The following DHX9 variants were observed in gnomAD, a reference collection of about 807,000 sequenced individuals.
DHX9 encodes the protein DExH-box helicase 9.
In DHX9, 27 loss-of-function variants were observed where a neutral mutation model predicts 148.7. The ratio of observed to expected loss-of-function variants is 0.18; its 90% CI spans 0.13 to 0.25. DHX9 has a LOEUF of 0.25. DHX9 is among the 10% of genes least tolerant of loss of function. The probability of loss-of-function intolerance (pLI) is 1.00; values close to 1 mark genes in which losing one functional copy is unlikely to be tolerated. For missense variants in DHX9, 796 were observed against 1,559.6 expected, an observed-to-expected ratio of 0.51 and a Z score of 8.25; for synonymous variants, 529 against 516.6, an observed-to-expected ratio of 1.02 and a Z score of -0.33.
At chr1:182,880,856 G>C (rs566740426) in intron 22 of DHX9, among the ~76,000 whole-genome samples, 317 of 152,294 alleles carry the variant, frequency 2.1e-3, no homozygotes, top group African/African-American at 7.5e-3. Flanking sequence ...AAGCAGGCCA[G>C]GCAATGTGGC....
At position 182,887,507 on chromosome 1, in the gene DHX9, C is replaced by A; in HGVS notation, c.*73C>A. The A allele has an allele frequency of 7.3e-7, 1 of 1,365,296 alleles. No homozygotes were observed. The allele number at this position is 1,365,296 out of a possible 1,614,324, so 84.6% of individuals were successfully genotyped here. A position where few individuals can be genotyped will look rare whatever the true frequency, so the allele number is the denominator to read the frequency against. ...CATGCTATGTGTTACGTGTTTTTTC[C>A]AGTATGTTTATTTGCCACCAAAAAG... On this transcript the variant is annotated 3_prime_UTR_variant, in exon 28 of 28. Transcript: ENST00000367549.
At chr1:182,863,423 C>T (rs923560349) in intron 12 of DHX9, among the ~76,000 whole-genome samples, 41 of 152,098 alleles carry the variant, frequency 2.7e-4, no homozygotes, top group African/African-American at 9.9e-4. Context: ...TTATATTACA[C>T]AAATACGATT....
Position 182,872,321 on chromosome 1 carries a change from G to GT in DHX9, c.1558-13dup, listed in dbSNP as rs747933641. The GT allele has an allele frequency of 3.1e-6, 5 of 1,592,204 alleles. No homozygotes were observed. The South Asian group carries it at 5.7e-5, about 18-fold the overall frequency. Reference sequence around the variant, plus strand: ...CTTAATGTAATTTCAAAAATTTTGTGTTTGTTTTTTAATAGACTGACTTCC... The same window carrying GT: ...CTTAATGTAATTTCAAAAATTTTGTGTTTTGTTTTTTAATAGACTGACTTCC... On this transcript the variant is annotated splice_polypyrimidine_tract_variant and intron_variant, in intron 14 of 27. Transcript: ENST00000367549.
At chr1:182,863,515 C>T (rs372982721) in intron 12 of DHX9, among the ~76,000 whole-genome samples, 51 of 152,074 alleles carry the variant, frequency 3.4e-4, no homozygotes, top group Admixed American at 9.8e-4. Flanking sequence ...TAGAAGTGGC[C>T]GTGCAGGTAT....
At position 182,872,607 on chromosome 1, in the gene DHX9, T is replaced by C. The variant is rs982769565; in HGVS notation, c.1714+114T>C. 25 of 1,149,232 alleles carry C rather than the reference T, an allele frequency of 2.2e-5. No individual in the cohort carries two copies. The African/African-American group carries it at 3.4e-4, about 16-fold the overall frequency. 71.2% of individuals were successfully genotyped at this position (1,149,232 alleles called of 1,614,324 possible). A position where few individuals can be genotyped will look rare whatever the true frequency, so the allele number is the denominator to read the frequency against. ...AATACTTAAAATACAGGACAAATTA[T>C]AGTATCAAATGTATCATAGCATTTT... is the stretch of plus-strand genomic sequence containing the variant. On this transcript the variant is annotated intron_variant, in intron 15 of 27. Transcript: ENST00000367549.
intron 15 of DHX9, among the ~76,000 whole-genome samples, chr1:182,873,154 C>A (rs531753737): frequency 6.6e-6 from 1 of 152,194 alleles, no homozygotes; most frequent in African/African-American, 2.4e-5. Flanking sequence ...CAAGGTCTCA[C>A]CCTGTTGCCC....
chr1:182,846,643 GTTT>G (rs1215792005), intron 3 of DHX9, among the ~76,000 whole-genome samples: 2 of 152,170 alleles, frequency 1.3e-5, no homozygotes, highest in African/African-American at 4.8e-5. Flanking sequence ...GGTAGTCTGT[GTTT>G]TTAAGATCTT....
chr1:182,843,534 A>C (rs1035739117), intron 3 of DHX9, 100 bp downstream of exon 3: 37 of 1,196,196 alleles, frequency 3.1e-5, no homozygotes, highest in Non-Finnish European at 3.8e-5. Flanking sequence ...CTGTTTTCAG[A>C]TATATCGTGT....
chr1:182,849,058 G>C (rs1668083961), intron 3 of DHX9, among the ~76,000 whole-genome samples: 1 of 152,146 alleles, frequency 6.6e-6, no homozygotes, highest in African/African-American at 2.4e-5. Flanking sequence ...TTTGGGCAGC[G>C]ATACGTAACC....
At chr1:182,856,690 A>T in intron 7 of DHX9, 112 bp downstream of exon 7, 1 of 860,986 alleles carries the variant, frequency 1.2e-6, no homozygotes, top group Non-Finnish European at 1.9e-6. Flanking sequence ...AGAGCACATA[A>T]TGTAAGATAG....
intron 11 of DHX9, 125 bp from the exon 12 acceptor site, chr1:182,859,863 CAAAGT>C (rs1668325642): frequency 3.9e-6 from 3 of 779,210 alleles, no homozygotes; most frequent in Admixed American, 5.8e-5. Flanking sequence ...CTCAGCCTCC[CAAAGT>C]GCTGGGATTA....
intron 26 of DHX9, among the ~76,000 whole-genome samples, chr1:182,883,879 C>T: frequency 6.6e-6 from 1 of 152,236 alleles, no homozygotes; most frequent in African/African-American, 2.4e-5. Flanking sequence ...TTCACATACT[C>T]TGTATATTGA....
rs1023131474 is a variant in DHX9 at position 182,883,083 on chromosome 1, A to C, written c.2915-56A>C. 6.2e-6 allele frequency: 7 copies of C among 1,134,236 alleles called. No homozygotes were observed. The Admixed American group carries it at 1.2e-4, about 19-fold the overall frequency. 70.3% of individuals were successfully genotyped at this position (1,134,236 alleles called of 1,614,324 possible). On this transcript the variant is annotated intron_variant, in intron 24 of 27. Transcript: ENST00000367549. ...GAATTATCTTAAATAGTTTGCATGT[A>C]ATGTGAAGATCAGCCAGTTATCTGA...
intron 16 of DHX9, among the ~76,000 whole-genome samples, chr1:182,875,383 A>G (rs1417977597): frequency 4.6e-5 from 7 of 152,216 alleles, no homozygotes; most frequent in Admixed American, 2.6e-4. Context: ...CTGTATATAC[A>G]ATAAAGTTTA....
Position 182,866,425 on chromosome 1 carries a change from T to C in DHX9, c.1333-19T>C. Reference sequence around the variant, plus strand: ...TAACTTTGTAGTTGTTAAGTCACTTTTCTTTTTTTCTGTCTCAGCCCAGAA... The same window carrying C: ...TAACTTTGTAGTTGTTAAGTCACTTCTCTTTTTTTCTGTCTCAGCCCAGAA... On this transcript the variant is annotated intron_variant, in intron 12 of 27. Transcript: ENST00000367549. 1 of 1,610,384 alleles carries C rather than the reference T, an allele frequency of 6.2e-7. No individual in the cohort carries two copies. The highest frequency in any genetic ancestry group is 8.5e-7 in the Non-Finnish European group (1 of 1,178,236).
chr1:182,842,416 T>A (rs142210391), intron 1 of DHX9, 129 bp from the exon 2 acceptor site: 36 of 539,104 alleles, frequency 6.7e-5, no homozygotes, highest in African/African-American at 5.0e-4. Flanking sequence ...CGTTAAAATT[T>A]ATGGGGAGTC....
intron 1 of DHX9, 142 bp downstream of exon 1, chr1:182,839,598 G>A (rs1222463467): frequency 6.6e-6 from 1 of 152,106 alleles, no homozygotes; most frequent in Admixed American, 6.5e-5. Context: ...AGCCGCCCGC[G>A]GGTCCCCGGA....
intron 3 of DHX9, among the ~76,000 whole-genome samples, chr1:182,851,544 A>C (rs1360173739): frequency 6.6e-6 from 1 of 152,240 alleles, no homozygotes; most frequent in Non-Finnish European, 1.5e-5. Context: ...AAGTAAAAAT[A>C]AGTCAAATTT....
At chr1:182,884,506 TAAG>T (rs1350717605) in intron 26 of DHX9, 104 bp from the exon 27 acceptor site, 25 of 1,014,846 alleles carry the variant, frequency 2.5e-5, no homozygotes, top group Middle Eastern at 3.1e-4. Context: ...TATTAATGCT[TAAG>T]AAGTTAAATT....
Sources: gnomAD v4.1 joint callset for allele counts (sites outside exome capture counted in the v4.1 genomes callset) on GRCh38, gnomAD v4.1.1 for gene constraint, MANE v1.5 for transcripts, NCBI Gene and HGNC (gene_info 2026-07-23, HGNC 2026-07-21) for gene names.